Variants in TAF10 observed in about 807,000 individuals in gnomAD.
TAF10 encodes transcription initiation factor TFIID subunit 10.
Under a neutral mutation model 18.1 loss-of-function variants are expected in TAF10, and 2 were observed. The ratio of observed to expected loss-of-function variants is 0.11; its 90% CI spans 0.05 to 0.35. The LOEUF is 0.35. TAF10 is among the 10% of genes least tolerant of loss of function. TAF10 has a pLI of 1.00. For synonymous variants in TAF10, 158 were observed against 134.6 expected, an observed-to-expected ratio of 1.17 and a Z score of -1.20; for missense variants, 293 against 306.9, an observed-to-expected ratio of 0.95 and a Z score of 0.34.
In TAF10 at chr11:6,609,360, G is replaced by A. The variant is rs1855269911; in HGVS notation, c.*1562C>T. ...GTGAAGGTGCTGAAGGTTCGAGACT[G>A]GAGTACAAGGAAGAGCAGGGACTTC... is the stretch of plus-strand genomic sequence containing the variant. On this transcript the variant is annotated 3_prime_UTR_variant, in exon 5 of 5. Coordinates refer to ENST00000299424, the MANE Select transcript of TAF10 (RefSeq NM_006284.4). The A allele has an allele frequency of 1.9e-6, 3 of 1,614,038 alleles. No individual in the cohort carries two copies. Among genetic ancestry groups the A allele is most frequent in the Admixed American group, 3.3e-5 (2 of 60,008 alleles).
Position 6,606,899 on chromosome 11 carries a change from C to T in TAF10, c.*4023G>A, listed in dbSNP as rs1048148903. On this transcript the variant is annotated 3_prime_UTR_variant, in exon 5 of 5. Coordinates refer to ENST00000299424, the MANE Select transcript of TAF10 (RefSeq NM_006284.4). ...CTAGGAGGCAAGACCAACTGATAAACAGGGGGCGTAATGCTTCCTGGGGAT... is the reference window on the plus strand; with the variant it reads ...CTAGGAGGCAAGACCAACTGATAAATAGGGGGCGTAATGCTTCCTGGGGAT... The T allele has an allele frequency of 1.3e-5, 2 of 152,226 alleles. No homozygotes were observed. The highest frequency in any genetic ancestry group is 2.9e-5 in the Non-Finnish European group (2 of 68,056). The allele number at this position is 152,226 out of a possible 1,614,324, so 9.4% of individuals were successfully genotyped here.
chr11:6,609,166 G>A lies in TAF10; in HGVS notation c.*1756C>T, dbSNP rs876657478. The stretch of plus-strand genomic sequence containing the variant: ...GAATCACTCTGGAGAGGTGACCCCT[G>A]CCCTTCTTGCCCTTCCCTCACTAAA... On this transcript the variant is annotated 3_prime_UTR_variant, in exon 5 of 5. Transcript: ENST00000299424. 7.5e-6 allele frequency: 12 copies of A among 1,609,252 alleles called. No individual in the cohort carries two copies. The highest frequency in any genetic ancestry group is 1.3e-5 in the African/African-American group (1 of 74,942).
At position 6,610,558 on chromosome 11, in the gene TAF10, C is replaced by A. The variant is rs1477497923; in HGVS notation, c.*364G>T. 1.9e-6 allele frequency: 3 copies of A among 1,614,178 alleles called. No homozygotes were observed. The African/African-American group carries it at 4.0e-5, about 22-fold the overall frequency. ...CTGCATGAATGAAGACCCTGCAAAG[C>A]GACCCAAATTTGACATGATTGTGCC... On this transcript the variant is annotated 3_prime_UTR_variant, in exon 5 of 5. Transcript: ENST00000299424.
In TAF10 at chr11:6,609,887, C is replaced by T. The variant is rs1225554100; in HGVS notation, c.*1035G>A. ...ACTCCTGGCCCAGGCCCCAAAAGCC[C>T]TTTGCCTATCTATGACTTACCTCCT... On this transcript the variant is annotated 3_prime_UTR_variant, in exon 5 of 5. Transcript: ENST00000299424. 6.2e-7 allele frequency: 1 copy of T among 1,614,210 alleles called. No individual in the cohort carries two copies. Among genetic ancestry groups the T allele is most frequent in the South Asian group, 1.1e-5 (1 of 91,084 alleles).
Position 6,610,134 on chromosome 11 carries a change from C to A in TAF10, c.*788G>T, listed in dbSNP as rs776003441. 1.9e-6 allele frequency: 3 copies of A among 1,614,074 alleles called. No individual in the cohort carries two copies. In the African/African-American group the frequency reaches 4.0e-5, roughly 22 times the overall value. On this transcript the variant is annotated 3_prime_UTR_variant, in exon 5 of 5. Transcript: ENST00000299424. ...AGGCAAGGGGGCCAGAACAGACAAG[C>A]CCTATCTCTCCAGCTCTGCAGAAGA...
Position 6,608,453 on chromosome 11 carries a change from C to G in TAF10, c.*2469G>C, listed in dbSNP as rs912914236. 1.2e-6 allele frequency: 2 copies of G among 1,614,160 alleles called. No individual in the cohort carries two copies. Among genetic ancestry groups the G allele is most frequent in the Non-Finnish European group, 8.5e-7 (1 of 1,179,964 alleles). ...ATGAACACGGGAATGTGCCCCTGCA[C>G]TATGCCTGTTTTTGGGGCCAAGATC... On this transcript the variant is annotated 3_prime_UTR_variant, in exon 5 of 5. Coordinates refer to ENST00000299424, the MANE Select transcript of TAF10 (RefSeq NM_006284.4). This position sits in a 1 kb window ranked among gnomAD's most constrained non-coding sequence, Gnocchi z 4.9.
rs1236127993 is a variant in TAF10, at chr11:6,611,784, C to G, written c.267G>C (p.Glu89Asp). The part of the protein sequence containing the change: ...PVSAGGAAPP[E>D]GAISNGVYVL... ...CGTAAACCCCGTTAGATATGGCCCC[C>G]TCCGGGGGCGCCGCGCCACCCGCCG... is the stretch of plus-strand genomic sequence containing the variant. The change falls in exon 2 of 5, where the codon GAG becomes GAC. Residue 89 changes from glutamate to aspartate, a missense_variant. Glu to Asp is a conservative substitution (Grantham distance 45, BLOSUM62 2). Coordinates refer to ENST00000299424, the MANE Select transcript of TAF10 (RefSeq NM_006284.4). 1 of 1,604,648 alleles carries G rather than the reference C, an allele frequency of 6.2e-7. No individual in the cohort carries two copies.
rs1405710988 is a variant in TAF10 at position 6,608,387 on chromosome 11, G to C, written c.*2535C>G. On this transcript the variant is annotated 3_prime_UTR_variant, in exon 5 of 5. Coordinates refer to ENST00000299424, the MANE Select transcript of TAF10 (RefSeq NM_006284.4). This position sits in a 1 kb window ranked among gnomAD's most constrained non-coding sequence, Gnocchi z 4.9. ...GCCTCTTCTTTTTGTCTGGCCATGG[G>C]GTCCAGCTATTGCAGTACAAGGCAG... The C allele has an allele frequency of 6.2e-7, 1 of 1,612,750 alleles. No homozygotes were observed. Among genetic ancestry groups the C allele is most frequent in the Non-Finnish European group, 8.5e-7 (1 of 1,178,898 alleles).
At chr11:6,611,513 G>C in intron 2 of TAF10, 61 bp from the exon 3 acceptor site, 2 of 1,604,402 alleles carry the variant, frequency 1.2e-6, no homozygotes, top group Non-Finnish European at 1.7e-6. Flanking sequence ...AAATGGATAG[G>C]CCTGATTATC....
At position 6,610,233 on chromosome 11, in the gene TAF10, G is replaced by A; in HGVS notation, c.*689C>T. On this transcript the variant is annotated 3_prime_UTR_variant, in exon 5 of 5. Transcript: ENST00000299424. ...TGCTTCTGTGGGAACTGGTGACACG[G>A]GAGGTACCCTTTGCTGACCTCTCCA... 1 of 1,614,230 alleles carries A rather than the reference G, an allele frequency of 6.2e-7. No homozygotes were observed. Among genetic ancestry groups the A allele is most frequent in the South Asian group, 1.1e-5 (1 of 91,088 alleles).
At position 6,607,874 on chromosome 11, in the gene TAF10, A is replaced by T; in HGVS notation, c.*3048T>A. On this transcript the variant is annotated 3_prime_UTR_variant, in exon 5 of 5. Transcript: ENST00000299424. Reference sequence around the variant, plus strand: ...TATCTAGGTGGTTGGTTTGGTTTGAAGCTCAGGGGAAGGTCTGAAATGGAC... The same window carrying T: ...TATCTAGGTGGTTGGTTTGGTTTGATGCTCAGGGGAAGGTCTGAAATGGAC... 1 of 647,954 alleles carries T rather than the reference A, an allele frequency of 1.5e-6. No homozygotes were observed. Among genetic ancestry groups the T allele is most frequent in the African/African-American group, 1.8e-5 (1 of 55,072 alleles). The allele number at this position is 647,954 out of a possible 1,614,324, so 40.1% of individuals were successfully genotyped here.
chr11:6,607,776 A>G lies in TAF10; in HGVS notation c.*3146T>C. The G allele has an allele frequency of 2.0e-6, 1 of 490,936 alleles. No individual in the cohort carries two copies. The highest frequency in any genetic ancestry group is 3.7e-6 in the Non-Finnish European group (1 of 268,556). The allele number at this position is 490,936 out of a possible 1,614,324, so 30.4% of individuals were successfully genotyped here. A position where few individuals can be genotyped will look rare whatever the true frequency, so the allele number is the denominator to read the frequency against. On this transcript the variant is annotated 3_prime_UTR_variant, in exon 5 of 5. Transcript: ENST00000299424. ...GGGGTGCAAGAGAAACCAGGGGAAGAGCACTACCACCTAAGGAAATGAGAT... is the reference window on the plus strand; with the variant it reads ...GGGGTGCAAGAGAAACCAGGGGAAGGGCACTACCACCTAAGGAAATGAGAT...
chr11:6,610,967 G>A lies in TAF10; in HGVS notation c.612C>T (p.Leu204=). 1 of 1,614,234 alleles carries A rather than the reference G, an allele frequency of 6.2e-7. No individual in the cohort carries two copies. Among genetic ancestry groups the A allele is most frequent in the African/African-American group, 1.3e-5 (1 of 75,070 alleles). ...TCTTCACATTGATGCCATACTCGCT[G>A]AGGGCAGGGGTCAAGTCCTCCATGG... ...TLTMEDLTPA[L]SEYGINVKKP... The change falls in exon 5 of 5, where the codon CTC becomes CTT. Residue 204 remains leucine (L), a synonymous_variant. Transcript: ENST00000299424.
rs547384549 is a variant in TAF10 at position 6,610,100 on chromosome 11, AGACAG to A, written c.*817_*821del. ...CCTCAGAAGTAGTGGAAGGGGGCAG[AGACAG>A]GACAGGCAAGGGGGCCAGAACAGAC... On this transcript the variant is annotated 3_prime_UTR_variant, in exon 5 of 5. Transcript: ENST00000299424. The A allele has an allele frequency of 8.3e-4, 1,338 of 1,614,176 alleles. 3 individuals are homozygous for A. Among genetic ancestry groups the A allele is most frequent in the Middle Eastern group, 4.5e-3 (27 of 6,062 alleles).
In TAF10 at chr11:6,612,055, G is replaced by C; in HGVS notation, c.135C>G (p.Pro45=). ...CCCCAGGTCCCCCCGCTGTCCCCGCGGGGCTGGCCTTGTTCTCCGCGGCGG... is the reference window on the plus strand; with the variant it reads ...CCCCAGGTCCCCCCGCTGTCCCCGCCGGGCTGGCCTTGTTCTCCGCGGCGG... ...SSTAAENKAS[P]AGTAGGPGAG... The change falls in exon 1 of 5, where the codon CCC becomes CCG. Residue 45 remains proline, a synonymous_variant. Coordinates refer to ENST00000299424, the MANE Select transcript of TAF10 (RefSeq NM_006284.4). 1.4e-6 allele frequency: 2 copies of C among 1,449,706 alleles called. No homozygotes were observed. Among genetic ancestry groups the C allele is most frequent in the Non-Finnish European group, 1.8e-6 (2 of 1,111,282 alleles). The allele number at this position is 1,449,706 out of a possible 1,614,324, so 89.8% of individuals were successfully genotyped here. A position where few individuals can be genotyped will look rare whatever the true frequency, so the allele number is the denominator to read the frequency against.
Position 6,611,771 on chromosome 11 carries a change from T to C in TAF10, c.280A>G (p.Asn94Asp), listed in dbSNP as rs750807157. Residue 94 changes from asparagine (N) to aspartate (D), a missense_variant, in exon 2 of 5, where the codon AAC becomes GAC. Asn to Asp is a conservative substitution (Grantham distance 23). Transcript: ENST00000299424. ...GAAPPEGAIS[N>D]GVYVLPSAAN... Reference sequence around the variant, plus strand: ...GCGCTCGGCAGTACGTAAACCCCGTTAGATATGGCCCCCTCCGGGGGCGCC... The same window carrying C: ...GCGCTCGGCAGTACGTAAACCCCGTCAGATATGGCCCCCTCCGGGGGCGCC... The C allele has an allele frequency of 3.7e-6, 6 of 1,609,540 alleles. No individual in the cohort carries two copies. Among genetic ancestry groups the C allele is most frequent in the Admixed American group, 1.7e-5 (1 of 59,582 alleles).
rs369080039 is a variant in TAF10 at position 6,611,322 on chromosome 11, G to C, written c.453-19C>G. 1.2e-6 allele frequency: 2 copies of C among 1,614,046 alleles called. No individual in the cohort carries two copies. The highest frequency in any genetic ancestry group is 2.2e-5 in the South Asian group (2 of 91,080). ...CCGAATTCTAGAGAGAAAAAACTTAGATGAGAAGGAGATGGACAACATACT... is the reference window on the plus strand; with the variant it reads ...CCGAATTCTAGAGAGAAAAAACTTACATGAGAAGGAGATGGACAACATACT... On this transcript the variant is annotated intron_variant, in intron 3 of 4. Coordinates refer to ENST00000299424, the MANE Select transcript of TAF10 (RefSeq NM_006284.4).
chr11:6,608,629 T>C lies in TAF10; in HGVS notation c.*2293A>G, dbSNP rs745689134. 1.5e-5 allele frequency: 21 copies of C among 1,413,184 alleles called. No homozygotes were observed. Among genetic ancestry groups the C allele is most frequent in the Middle Eastern group, 3.5e-4 (2 of 5,660 alleles). The allele number at this position is 1,413,184 out of a possible 1,614,324, so 87.5% of individuals were successfully genotyped here. A position where few individuals can be genotyped will look rare whatever the true frequency, so the allele number is the denominator to read the frequency against. On this transcript the variant is annotated 3_prime_UTR_variant, in exon 5 of 5. Coordinates refer to ENST00000299424, the MANE Select transcript of TAF10 (RefSeq NM_006284.4). This position sits in a 1 kb window ranked among gnomAD's most constrained non-coding sequence, Gnocchi z 4.9. ...ATTAAGTTCTACATTTGTGCATTCA[T>C]GGTTGGTTCAGTGACTGCCAGCGAG... is the stretch of plus-strand genomic sequence containing the variant.
At chr11:6,611,594 C>G in intron 2 of TAF10, 70 bp downstream of exon 2, 2 of 1,584,922 alleles carry the variant, frequency 1.3e-6, no homozygotes, top group East Asian at 2.3e-5. Flanking sequence ...TGGAAGAGAA[C>G]GCTGAAAAGC....
Sources: gnomAD v4.1 joint callset for allele counts on GRCh38, gnomAD v4.1.1 for gene constraint, Gnocchi (gnomAD v3.1) non-coding constraint, MANE v1.5 for transcripts, NCBI Gene and HGNC (gene_info 2026-07-23, HGNC 2026-07-21) for gene names.